NOX4: variants seen among roughly 807,000 people sequenced by gnomAD.
The protein encoded by NOX4 is kidney oxidase-1.
In NOX4, 69 loss-of-function variants were observed where a neutral mutation model predicts 87.6. The ratio of observed to expected loss-of-function variants is 0.79; its 90% confidence interval spans 0.65 to 0.96. NOX4 has a LOEUF of 0.96. Among genes scored for constraint, NOX4 ranks in the 40% least tolerant of loss-of-function variants. The pLI is 0.00. For synonymous variants in NOX4, 275 were observed against 238.2 expected (o/e 1.15, Z -1.42); for missense variants, 680 against 681.5 (o/e 1.00, Z 0.02).
At position 89,331,746 on chromosome 11, in the gene NOX4, T is replaced by TA. The variant is rs1349433992; in HGVS notation, c.1616+4098dup. ...GTATTAATTATAAAATAAATAATAA[T>TA]AAAAATCATTATTTTTAAATCACAC... On this transcript the variant is annotated intron_variant, in intron 17 of 17. Transcript: ENST00000263317. Among the ~76,000 whole-genome samples, 5 of 151,768 alleles carry TA rather than the reference T, an allele frequency of 3.3e-5. No homozygotes were observed. The East Asian group carries it at 7.7e-4, about 23-fold the overall frequency.
chr11:89,498,550 A>T (rs1178382622), upstream of NOX4, among the ~76,000 whole-genome samples: 1 of 152,152 alleles, frequency 6.6e-6, no homozygotes, highest in Non-Finnish European at 1.5e-5. Context: ...AAATAGAAAA[A>T]CTGCAAATAA....
rs140266495 is a variant in NOX4 at position 89,335,888 on chromosome 11, G to A, written c.1573C>T (p.Arg525Trp). ...LNSRLFIGRP[R>W]WKLLFDEIAK... is the part of the protein sequence containing the mutation. ...ATTTCATCAAACAAAAGTTTCCACCGAGGACGTCCTATAAACAGTCTTGAA... is the reference window on the plus strand; with the variant it reads ...ATTTCATCAAACAAAAGTTTCCACCAAGGACGTCCTATAAACAGTCTTGAA... The change falls in exon 17 of 18, where the codon CGG (arginine) becomes TGG (tryptophan). Residue 525 changes from arginine to tryptophan, a missense_variant. Coordinates refer to ENST00000263317, the MANE Select transcript of NOX4 (RefSeq NM_016931.5). 281 of 1,599,146 alleles carry A rather than the reference G, an allele frequency of 1.8e-4. No individual in the cohort carries two copies. In the African/African-American group the frequency reaches 3.2e-3, roughly 18 times the overall value.
At chr11:89,525,617 G>A in the NOX4 span, among the ~76,000 whole-genome samples, 1 of 151,994 alleles carries the variant, frequency 6.6e-6, no homozygotes, top group South Asian at 2.1e-4. Flanking sequence ...TGTGGATAAA[G>A]GTTATTTGAC....
chr11:89,382,538 C>T (rs1407881223), intron 11 of NOX4, among the ~76,000 whole-genome samples: 1 of 152,008 alleles, frequency 6.6e-6, no homozygotes, highest in Non-Finnish European at 1.5e-5. Context: ...ATCCTTCCTT[C>T]CCTCCCACCT....
chr11:89,548,622 A>C, the NOX4 span: 2 of 152,138 alleles, frequency 1.3e-5, no homozygotes, highest in African/African-American at 2.4e-5. Context: ...CCTTTCCTCT[A>C]ATGGGGTAAA....
At chr11:89,453,888 T>G (rs71469267) in intron 2 of NOX4, among the ~76,000 whole-genome samples, 1,751 of 152,260 alleles carry the variant, frequency 0.012, 26 homozygotes, top group Middle Eastern at 0.051. Context: ...TATTAGGTAA[T>G]AAACATTTTG....
chr11:89,403,238 T>C (rs891698009), intron 8 of NOX4, among the ~76,000 whole-genome samples: 23 of 152,286 alleles, frequency 1.5e-4, no homozygotes, highest in Middle Eastern at 3.4e-3. Flanking sequence ...ACTTTCTGTG[T>C]CCTGCCTTTC....
chr11:89,493,992 T>C (rs2135506051), upstream of NOX4, among the ~76,000 whole-genome samples: 1 of 152,136 alleles, frequency 6.6e-6, no homozygotes, highest in Admixed American at 6.5e-5. Context: ...TGACCTCAGG[T>C]GATCCACCAG....
At chr11:89,515,959 G>T in the NOX4 span, among the ~76,000 whole-genome samples, 1 of 151,930 alleles carries the variant, frequency 6.6e-6, no homozygotes. Context: ...CCACTGTTAA[G>T]TTCATCCAAT....
At chr11:89,517,279 T>C in the NOX4 span, among the ~76,000 whole-genome samples, 103 of 152,120 alleles carry the variant, frequency 6.8e-4, no homozygotes, top group Admixed American at 6.6e-3. Flanking sequence ...AATGTCCTGC[T>C]ATATTTCTTA....
chr11:89,456,191 C>T (rs576580562), intron 2 of NOX4, among the ~76,000 whole-genome samples: 2 of 151,794 alleles, frequency 1.3e-5, no homozygotes, highest in Non-Finnish European at 2.9e-5. Flanking sequence ...TACATATATA[C>T]AATTACTATA....
chr11:89,430,788 T>C (rs1943735798), intron 7 of NOX4, among the ~76,000 whole-genome samples: 1 of 152,168 alleles, frequency 6.6e-6, no homozygotes, highest in Admixed American at 6.5e-5. Flanking sequence ...CCCAAGGTAA[T>C]TTATAGATTC....
At chr11:89,508,299 C>T in the NOX4 span, among the ~76,000 whole-genome samples, 1 of 152,066 alleles carries the variant, frequency 6.6e-6, no homozygotes, top group Non-Finnish European at 1.5e-5. Context: ...AAATGAGCGC[C>T]AGCTCTCTGA....
chr11:89,463,434 A>G (rs1945555461), intron 2 of NOX4, among the ~76,000 whole-genome samples: 1 of 152,050 alleles, frequency 6.6e-6, no homozygotes, highest in Non-Finnish European at 1.5e-5. Flanking sequence ...ATATAACAAG[A>G]GATGGGGTCA....
intron 11 of NOX4, among the ~76,000 whole-genome samples, chr11:89,396,009 AC>A (rs1941458697): frequency 6.6e-6 from 1 of 152,108 alleles, no homozygotes; most frequent in Non-Finnish European, 1.5e-5. Flanking sequence ...TTCCATAGGA[AC>A]TTTAAAGTAG....
At chr11:89,546,854 G>T in the NOX4 span, among the ~76,000 whole-genome samples, 1 of 152,126 alleles carries the variant, frequency 6.6e-6, no homozygotes, top group East Asian at 1.9e-4. Flanking sequence ...GAGACCTCAT[G>T]AACTAATCAC....
intron 17 of NOX4, among the ~76,000 whole-genome samples, chr11:89,328,819 A>G (rs1432501854): frequency 2.0e-5 from 3 of 152,070 alleles, no homozygotes; most frequent in African/African-American, 7.2e-5. Context: ...TGGTGTACTT[A>G]TAAGAAGTAA....
chr11:89,554,597 G>A, the NOX4 span, among the ~76,000 whole-genome samples: 6 of 152,102 alleles, frequency 3.9e-5, no homozygotes, highest in Non-Finnish European at 5.9e-5. Context: ...AAATATCTTG[G>A]AAGGAGGCAT....
chr11:89,433,255 G>C (rs988248745), intron 6 of NOX4, among the ~76,000 whole-genome samples: 2 of 152,016 alleles, frequency 1.3e-5, no homozygotes, highest in Non-Finnish European at 2.9e-5. Context: ...CAGTGGTACA[G>C]AACACCAGAA....
Sources: allele counts gnomAD v4.1 joint callset (sites outside exome capture counted in the v4.1 genomes callset), GRCh38; gene constraint gnomAD v4.1.1; transcripts MANE v1.5; gene names NCBI Gene and HGNC (gene_info 2026-07-23, HGNC 2026-07-21).